LRRC63: variants seen among roughly 807,000 people sequenced by gnomAD.
LRRC63 encodes leucine rich repeat containing 63, also known as leucine-rich repeat-containing protein 63.
In LRRC63, 40 loss-of-function variants were observed where a neutral mutation model predicts 49.5. The observed-to-expected ratio is 0.81, with a 90% CI of 0.63 to 1.05. LRRC63 has a LOEUF of 1.05. LRRC63 is among the 50% of genes least tolerant of loss of function. The pLI, the probability that LRRC63 is intolerant of heterozygous loss-of-function variation, is 0.00. For synonymous variants in LRRC63, 191 were observed against 221.1 expected, an observed-to-expected ratio of 0.86 and a Z score of 1.21; for missense variants, 636 against 663.1, an observed-to-expected ratio of 0.96 and a Z score of 0.45.
intron 5 of LRRC63, among the ~76,000 whole-genome samples, chr13:46,246,045 TCTC>T (rs2047202977): frequency 6.6e-6 from 1 of 152,108 alleles, no homozygotes; most frequent in African/African-American, 2.4e-5. Flanking sequence ...TTGATGCTGT[TCTC>T]CTGATAGCAA....
intron 5 of LRRC63, among the ~76,000 whole-genome samples, chr13:46,244,422 A>G (rs1203609928): frequency 2.0e-5 from 3 of 152,196 alleles, no homozygotes; most frequent in Non-Finnish European, 4.4e-5. Flanking sequence ...AGTCATTTTT[A>G]AAAAGTGGTG....
At chr13:46,236,396 G>A (rs2046906012) in intron 5 of LRRC63, among the ~76,000 whole-genome samples, 1 of 152,062 alleles carries the variant, frequency 6.6e-6, no homozygotes, top group African/African-American at 2.4e-5. Context: ...AAAAGCCAAA[G>A]TCAAAGAAAG....
At chr13:46,230,553 A>G (rs772055360) in intron 4 of LRRC63, among the ~76,000 whole-genome samples, 1 of 152,204 alleles carries the variant, frequency 6.6e-6, no homozygotes, top group Non-Finnish European at 1.5e-5. Context: ...ATGTAGGTCC[A>G]AGAGCCCAAA....
chr13:46,236,153 CA>C (rs2046898003), intron 5 of LRRC63, among the ~76,000 whole-genome samples: 1 of 151,664 alleles, frequency 6.6e-6, no homozygotes, highest in Admixed American at 6.6e-5. Flanking sequence ...GAAAAATGAA[CA>C]CAACCTAAGG....
intron 5 of LRRC63, among the ~76,000 whole-genome samples, chr13:46,239,250 A>C (rs541469940): frequency 1.3e-5 from 2 of 152,218 alleles, no homozygotes; most frequent in South Asian, 4.1e-4. Context: ...TTAGACTAAT[A>C]AAGAAGAAGA....
At chr13:46,262,155 T>G (rs1419092768) in intron 8 of LRRC63, among the ~76,000 whole-genome samples, 163 bp downstream of exon 8, 3 of 150,052 alleles carry the variant, frequency 2.0e-5, no homozygotes, top group Admixed American at 6.7e-5. Context: ...GTGTACAGTA[T>G]TTTTAAGACA....
intron 9 of LRRC63, among the ~76,000 whole-genome samples, chr13:46,267,332 G>A (rs1456985328): frequency 6.6e-6 from 1 of 152,202 alleles, no homozygotes; most frequent in Admixed American, 6.5e-5. Flanking sequence ...TCACTCCACT[G>A]TGATGTCATG....
intron 9 of LRRC63, among the ~76,000 whole-genome samples, chr13:46,275,540 G>C (rs778453234): frequency 1.3e-5 from 2 of 151,762 alleles, no homozygotes; most frequent in African/African-American, 2.4e-5. Context: ...TCTTATTATG[G>C]TTTTGATTTG....
Position 46,247,618 on chromosome 13 carries a change from A to G in LRRC63, c.1089+993A>G, listed in dbSNP as rs545780964. ...GATAAAATATTCCAATGAAGATGGTAATATCTAAGCTTAGAGAGGCTGTTT... is the reference window on the plus strand; with the variant it reads ...GATAAAATATTCCAATGAAGATGGTGATATCTAAGCTTAGAGAGGCTGTTT... On this transcript the variant is annotated intron_variant, in intron 6 of 9. Transcript: ENST00000595396. Among the ~76,000 whole-genome samples the G allele has an allele frequency of 2.3e-4, 35 of 152,294 alleles. No individual in the cohort carries two copies. In the South Asian group the frequency reaches 7.2e-3, roughly 32 times the overall value.
intron 3 of LRRC63, 98 bp downstream of exon 3, chr13:46,228,287 C>A (rs1017786916): frequency 2.3e-5 from 21 of 900,308 alleles, no homozygotes; most frequent in Non-Finnish European, 3.0e-5. Context: ...TTTGGGTTTG[C>A]AGAATGGGAG....
chr13:46,212,058 C>A lies in LRRC63; in HGVS notation c.-235C>A, dbSNP rs974073617. 17 of 152,370 alleles carry A rather than the reference C, an allele frequency of 1.1e-4. No individual in the cohort carries two copies. Among genetic ancestry groups the A allele is most frequent in the African/African-American group, 3.9e-4 (16 of 41,474 alleles). 9.4% of individuals were successfully genotyped at this position (152,370 alleles called of 1,614,324 possible). On this transcript the variant is annotated 5_prime_UTR_variant, in exon 1 of 10. It adds an upstream start codon to the 5' untranslated region. Transcript: ENST00000595396. ...AGACCCTCGCTGGACCTTTACCTCG[C>A]TGCCTAGATTCCGAGGAAAAGGAGA...
intron 9 of LRRC63, 96 bp from the exon 10 acceptor site, chr13:46,276,494 G>A (rs73470032): frequency 0.014 from 7,231 of 531,112 alleles, 423 homozygotes; most frequent in African/African-American, 0.13. Context: ...CTCAATGAAG[G>A]TAAGGGCAGT....
chr13:46,215,910 G>A (rs1252560201), intron 2 of LRRC63, among the ~76,000 whole-genome samples: 1 of 152,130 alleles, frequency 6.6e-6, no homozygotes, highest in Non-Finnish European at 1.5e-5. Context: ...CAGGTTTGTC[G>A]AAGATCAGAT....
rs118095038 is a variant in LRRC63, at chr13:46,267,165, T to C, written c.1550+193T>C. ...ATAATGTAGTCTGAATCCGGCCCCCTTGTGTGATATTCTCAAGTTGTTACT... is the reference window on the plus strand; with the variant it reads ...ATAATGTAGTCTGAATCCGGCCCCCCTGTGTGATATTCTCAAGTTGTTACT... On this transcript the variant is annotated intron_variant, in intron 9 of 9. Coordinates refer to ENST00000595396, the Ensembl canonical transcript of LRRC63. Among the ~76,000 whole-genome samples, 13 of 152,310 alleles carry C rather than the reference T, an allele frequency of 8.5e-5. No individual in the cohort carries two copies. In the East Asian group the frequency reaches 2.5e-3, roughly 29 times the overall value.
chr13:46,253,073 TCAAG>T (rs1221953977), intron 7 of LRRC63, among the ~76,000 whole-genome samples: 3 of 151,916 alleles, frequency 2.0e-5, no homozygotes, highest in African/African-American at 7.2e-5. Flanking sequence ...TTGCAGTAGT[TCAAG>T]CAAGAGATGA....
intron 9 of LRRC63, chr13:46,270,683 C>A: frequency 2.8e-6 from 2 of 709,610 alleles, no homozygotes; most frequent in South Asian, 2.9e-5. Flanking sequence ...ACCATCAGTG[C>A]ACGAAAGGAG....
intron 5 of LRRC63, among the ~76,000 whole-genome samples, chr13:46,235,369 TAAAC>T (rs749400758): frequency 5.9e-5 from 9 of 152,080 alleles, no homozygotes; most frequent in East Asian, 5.8e-4. Flanking sequence ...AGAAAATTAT[TAAAC>T]AACCCAATAG....
chr13:46,263,255 C>T (rs900361039), intron 8 of LRRC63, among the ~76,000 whole-genome samples: 9 of 151,986 alleles, frequency 5.9e-5, no homozygotes, highest in Admixed American at 2.0e-4. Context: ...TAGCTCACTA[C>T]GGCCTTGAAC....
chr13:46,213,069 T>C, exon 2 of LRRC63: 2 of 1,549,968 alleles, frequency 1.3e-6, no homozygotes, highest in Non-Finnish European at 1.7e-6. Context: ...CGAAGACCCT[T>C]ACCTCCAAAA....
Sources: gnomAD v4.1 joint callset for allele counts (sites outside exome capture counted in the v4.1 genomes callset) on GRCh38, gnomAD v4.1.1 for gene constraint, MANE v1.5 for transcripts, NCBI Gene and HGNC (gene_info 2026-07-23, HGNC 2026-07-21) for gene names.